The following CASK variants were observed in gnomAD, a reference collection of about 807,000 sequenced individuals.
CASK encodes the protein peripheral plasma membrane protein CASK.
In CASK, 4 loss-of-function variants were observed where a neutral mutation model predicts 82.9. That is an observed-to-expected ratio of 0.05 (90% confidence interval 0.02 to 0.11). The LOEUF (loss-of-function observed/expected upper bound fraction) is 0.11. CASK is among the 10% of genes least tolerant of loss of function. CASK has a pLI of 1.00. For missense variants in CASK, 358 were observed against 720.9 expected (o/e 0.50, Z 5.76); for synonymous variants, 259 against 253.5 (o/e 1.02, Z -0.20).
intron 7 of CASK, among the ~76,000 whole-genome samples, chrX:41,662,878 C>T (rs1377422205): frequency 5.7e-5 from 6 of 105,784 alleles, no homozygotes; most frequent in Non-Finnish European, 7.8e-5. Flanking sequence ...TGCTCTGCTG[C>T]CCAGGCTGAA....
intron 1 of CASK, among the ~76,000 whole-genome samples, chrX:41,860,674 C>T (rs1244690275): frequency 1.8e-5 from 2 of 112,144 alleles, no homozygotes; most frequent in East Asian, 2.8e-4. Flanking sequence ...CTTTTTAACA[C>T]TTCTGGTACC....
intron 8 of CASK, among the ~76,000 whole-genome samples, chrX:41,648,247 C>A (rs2066797393): frequency 9.0e-6 from 1 of 111,149 alleles, no homozygotes; most frequent in Non-Finnish European, 1.9e-5. Flanking sequence ...CATAGCACTC[C>A]CAGGCTTATT....
chrX:41,545,767 A>C (rs1602240902), intron 21 of CASK, among the ~76,000 whole-genome samples: 1 of 111,015 alleles, frequency 9.0e-6, no homozygotes, highest in South Asian at 3.8e-4. Flanking sequence ...CCAGTCCTTA[A>C]ACACAGTATG....
chrX:41,801,281 A>G (rs761583046), intron 2 of CASK, among the ~76,000 whole-genome samples: 3 of 111,856 alleles, frequency 2.7e-5, no homozygotes, highest in African/African-American at 9.7e-5. Context: ...CTGATGGTCA[A>G]CTTTGGCTCA....
At position 41,582,065 on chromosome X, in the gene CASK, C is replaced by T. The variant is rs2065587676; in HGVS notation, c.1315-3537G>A. ...CAAGTCCTCTTGTATGTAACCATCT[C>T]CAACACAGAAACCCCATCTGCCCAT... is the stretch of plus-strand genomic sequence containing the variant. On this transcript the variant is annotated intron_variant, in intron 14 of 26. Transcript: ENST00000378163. 2.7e-5 allele frequency among the ~76,000 whole-genome samples: 3 copies of T among 111,007 alleles called. No individual in the cohort carries two copies. The South Asian group carries it at 1.1e-3, about 42-fold the overall frequency.
intron 5 of CASK, among the ~76,000 whole-genome samples, chrX:41,712,378 G>T (rs1187056348): frequency 8.9e-6 from 1 of 112,677 alleles, no homozygotes; most frequent in African/African-American, 3.2e-5. Flanking sequence ...TGCTAGGTTA[G>T]ACTTTGTCTG....
At chrX:41,561,984 G>A (rs763242255) in intron 16 of CASK, 3 of 157,330 alleles carry the variant, frequency 1.9e-5, no homozygotes, top group African/African-American at 6.3e-5. Flanking sequence ...TAAGATCTTG[G>A]GTAAATTACT....
At chrX:41,840,421 C>T (rs1322004914) in intron 2 of CASK, among the ~76,000 whole-genome samples, 1 of 112,191 alleles carries the variant, frequency 8.9e-6, no homozygotes, top group Admixed American at 9.4e-5. Context: ...TATATGTTAA[C>T]CTTGTAACCT....
intron 1 of CASK, among the ~76,000 whole-genome samples, chrX:41,884,018 T>C (rs1601938750): frequency 8.9e-6 from 1 of 111,999 alleles, no homozygotes; most frequent in East Asian, 2.8e-4. Context: ...GGCTTCCCAA[T>C]CAGTGGCCGC....
At chrX:41,688,318 T>G (rs896233890) in intron 5 of CASK, among the ~76,000 whole-genome samples, 7 of 111,669 alleles carry the variant, frequency 6.3e-5, no homozygotes, top group African/African-American at 2.3e-4. Context: ...ACTAACTTCT[T>G]CATTTCAAAT....
intron 3 of CASK, among the ~76,000 whole-genome samples, chrX:41,765,841 A>C (rs764314320): frequency 8.0e-5 from 9 of 112,030 alleles, no homozygotes; most frequent in Admixed American, 1.9e-4. Flanking sequence ...TTGTGTAATC[A>C]TATACATGTT....
chrX:41,668,431 A>C (rs1292663984), intron 6 of CASK, among the ~76,000 whole-genome samples: 1 of 111,957 alleles, frequency 8.9e-6, no homozygotes, highest in Non-Finnish European at 1.9e-5. Context: ...CATGGGAGCA[A>C]GTCAGCCTTA....
chrX:41,882,807 G>A (rs2071976162), intron 1 of CASK, among the ~76,000 whole-genome samples: 1 of 111,389 alleles, frequency 9.0e-6, no homozygotes, highest in South Asian at 3.8e-4. Context: ...ACCCATCACT[G>A]ATGAACTCCT....
chrX:41,825,296 T>C (rs992711297), intron 2 of CASK, among the ~76,000 whole-genome samples: 3 of 111,589 alleles, frequency 2.7e-5, no homozygotes, highest in African/African-American at 6.5e-5. Flanking sequence ...CTGTTTGATA[T>C]ACTACCCCAC....
At chrX:41,615,831 C>G (rs747540258) in intron 11 of CASK, among the ~76,000 whole-genome samples, 2 of 110,086 alleles carry the variant, frequency 1.8e-5, no homozygotes, top group African/African-American at 6.6e-5. Context: ...TTCACCATGT[C>G]GGCCAGGCTG....
chrX:41,666,437 CTCTG>C (rs1166913210), intron 6 of CASK, among the ~76,000 whole-genome samples: 1 of 112,052 alleles, frequency 8.9e-6, no homozygotes, highest in Non-Finnish European at 1.9e-5. Context: ...CCCTTCCTCC[CTCTG>C]TCTCTCTCTT....
At chrX:41,574,262 G>T (rs2065457618) in intron 15 of CASK, among the ~76,000 whole-genome samples, 1 of 110,812 alleles carries the variant, frequency 9.0e-6, no homozygotes, top group African/African-American at 3.3e-5. Flanking sequence ...TGCCTACTCT[G>T]CCTTAGTTCC....
intron 5 of CASK, among the ~76,000 whole-genome samples, chrX:41,690,682 C>CT (rs1276110942): frequency 3.4e-5 from 3 of 89,062 alleles, no homozygotes; most frequent in Admixed American, 1.3e-4. Flanking sequence ...TTTTTATGTT[C>CT]TTTTTTTTTG....
At chrX:41,746,256 A>G (rs1035579358) in intron 3 of CASK, among the ~76,000 whole-genome samples, 9 of 110,282 alleles carry the variant, frequency 8.2e-5, no homozygotes, top group Admixed American at 2.0e-4. Context: ...TACCTTGTCC[A>G]CTGATGTTTC....
Sources: gnomAD v4.1 joint callset for allele counts (sites outside exome capture counted in the v4.1 genomes callset) on GRCh38, gnomAD v4.1.1 for gene constraint, MANE v1.5 for transcripts, NCBI Gene and HGNC (gene_info 2026-07-23, HGNC 2026-07-21) for gene names.